The following ATP10B variants were observed in gnomAD, a reference collection of about 807,000 sequenced individuals.
The protein encoded by ATP10B is ATPase phospholipid transporting 10B (putative), also known as phospholipid-transporting ATPase VB.
A neutral mutation model predicts 141.2 loss-of-function variants in ATP10B; 122 were observed. The ratio of observed to expected loss-of-function variants is 0.86; its 90% CI spans 0.75 to 1.00. ATP10B has a LOEUF of 1.00. ATP10B is among the 50% of genes least tolerant of loss of function. ATP10B has a pLI of 0.00. For missense variants in ATP10B, 1,876 were observed against 1,825.3 expected (o/e 1.03, Z -0.51); for synonymous variants, 685 against 692.0 (o/e 0.99, Z 0.16).
chr5:160,756,102 C>A (rs972654904), intron 2 of ATP10B, among the ~76,000 whole-genome samples: 3 of 151,528 alleles, frequency 2.0e-5, no homozygotes, highest in South Asian at 2.1e-4. Flanking sequence ...GTTATCCAGG[C>A]AATCACTGGT....
intron 2 of ATP10B, among the ~76,000 whole-genome samples, chr5:160,737,702 C>A (rs992649177): frequency 6.6e-6 from 1 of 151,366 alleles, no homozygotes. Context: ...GTTGGCTATA[C>A]GAGAAATATG....
chr5:160,577,303 C>T (rs1480607044), intron 24 of ATP10B, among the ~76,000 whole-genome samples: 1 of 152,108 alleles, frequency 6.6e-6, no homozygotes, highest in Non-Finnish European at 1.5e-5. Context: ...AAAACAGTGG[C>T]TGCAGTGCCA....
chr5:160,624,472 C>T (rs6859511), intron 13 of ATP10B, among the ~76,000 whole-genome samples: 120,884 of 151,690 alleles, frequency 0.8, 48,351 homozygotes, highest in East Asian at 0.84. Context: ...AGTCTACTTA[C>T]CAGAAGCAAG....
Position 160,688,808 on chromosome 5 carries a change from G to A in ATP10B, c.-69C>T. ...AGTGATAAGTAGAATAGATGGGAGAGGTTCTTTCCTAGGAAATTTGTCCAT... is the reference window on the plus strand; with the variant it reads ...AGTGATAAGTAGAATAGATGGGAGAAGTTCTTTCCTAGGAAATTTGTCCAT... On this transcript the variant is annotated 5_prime_UTR_variant, in exon 4 of 26. Coordinates refer to ENST00000327245, the MANE Select transcript of ATP10B (RefSeq NM_025153.3). 1 of 985,434 alleles carries A rather than the reference G, an allele frequency of 1.0e-6. No homozygotes were observed. The highest frequency in any genetic ancestry group is 1.2e-6 in the Non-Finnish European group (1 of 829,926). 61.0% of individuals were successfully genotyped at this position (985,434 alleles called of 1,614,324 possible).
Position 160,785,323 on chromosome 5 carries a change from T to C in ATP10B, c.-331+236A>G, listed in dbSNP as rs538942860. Reference sequence around the variant, plus strand: ...CAGGTCCTATGTTGTCTGGGGAATATATACAATGGAGAAAGTTTAAACCAT... The same window carrying C: ...CAGGTCCTATGTTGTCTGGGGAATACATACAATGGAGAAAGTTTAAACCAT... On this transcript the variant is annotated intron_variant, in intron 2 of 25. Coordinates refer to ENST00000327245, the MANE Select transcript of ATP10B (RefSeq NM_025153.3). Among the ~76,000 whole-genome samples, 8 of 152,254 alleles carry C rather than the reference T, an allele frequency of 5.3e-5. No individual in the cohort carries two copies. In the East Asian group the frequency reaches 1.4e-3, roughly 26 times the overall value.
At chr5:160,683,321 C>A in intron 6 of ATP10B, among the ~76,000 whole-genome samples, 1 of 152,150 alleles carries the variant, frequency 6.6e-6, no homozygotes, top group East Asian at 1.9e-4. Flanking sequence ...AGCAAAGAGA[C>A]AAGAAGCTCA....
chr5:160,738,735 A>T (rs926986693), intron 2 of ATP10B, among the ~76,000 whole-genome samples: 1 of 152,182 alleles, frequency 6.6e-6, no homozygotes, highest in Non-Finnish European at 1.5e-5. Flanking sequence ...TAAAAATTTG[A>T]ATTGAAAACA....
intron 1 of ATP10B, among the ~76,000 whole-genome samples, chr5:160,815,556 C>A (rs1264916914): frequency 2.1e-5 from 3 of 140,662 alleles, no homozygotes; most frequent in African/African-American, 7.4e-5. Flanking sequence ...GACTCCCACA[C>A]AATAATAATA....
intron 10 of ATP10B, among the ~76,000 whole-genome samples, chr5:160,638,182 G>A (rs908663681): frequency 1.6e-4 from 24 of 152,150 alleles, no homozygotes; most frequent in Non-Finnish European, 1.2e-4. Context: ...GCTTTAATTA[G>A]GCATCATCAG....
At chr5:160,608,653 T>C (rs1475592617) in intron 18 of ATP10B, among the ~76,000 whole-genome samples, 1 of 152,196 alleles carries the variant, frequency 6.6e-6, no homozygotes, top group Non-Finnish European at 1.5e-5. Flanking sequence ...CTCATTGTGG[T>C]TTTGATTTAT....
At chr5:160,569,212 T>C (rs41358144) in intron 25 of ATP10B, among the ~76,000 whole-genome samples, 3 of 152,290 alleles carry the variant, frequency 2.0e-5, no homozygotes, top group Admixed American at 2.0e-4. Flanking sequence ...ACAAAAAATT[T>C]GTAAGGCAGG....
chr5:160,811,726 C>A (rs979179358), intron 1 of ATP10B, among the ~76,000 whole-genome samples: 5 of 152,190 alleles, frequency 3.3e-5, no homozygotes, highest in African/African-American at 1.2e-4. Context: ...CAGTCCATGG[C>A]TTCCAGACAG....
the ATP10B span, among the ~76,000 whole-genome samples, chr5:160,900,837 A>G: frequency 2.7e-5 from 4 of 150,004 alleles, no homozygotes; most frequent in Non-Finnish European, 4.4e-5. Context: ...ATGAACACAT[A>G]TTACTCATGT....
At chr5:160,906,637 A>G in the ATP10B span, among the ~76,000 whole-genome samples, 35 of 152,228 alleles carry the variant, frequency 2.3e-4, no homozygotes, top group Admixed American at 2.0e-3. Context: ...ATACCAGAGT[A>G]TTTAGAAACC....
chr5:160,607,401 A>T (rs891881934), intron 18 of ATP10B, among the ~76,000 whole-genome samples: 2 of 152,234 alleles, frequency 1.3e-5, no homozygotes, highest in African/African-American at 2.4e-5. Flanking sequence ...GATAATGACA[A>T]TACGTCATGC....
At chr5:160,830,049 C>T (rs1464104839) in intron 1 of ATP10B, among the ~76,000 whole-genome samples, 1 of 151,964 alleles carries the variant, frequency 6.6e-6, no homozygotes, top group African/African-American at 2.4e-5. Flanking sequence ...GGGAATGTTT[C>T]CAGGTTTTGC....
intron 3 of ATP10B, among the ~76,000 whole-genome samples, chr5:160,700,481 G>A (rs1207593908): frequency 1.3e-5 from 2 of 152,198 alleles, no homozygotes; most frequent in Non-Finnish European, 2.9e-5. Flanking sequence ...CCAGAGGGCA[G>A]ACTATTTCTT....
Position 160,620,328 on chromosome 5 carries a change from C to T in ATP10B, c.2416+19G>A, listed in dbSNP as rs868644432. On this transcript the variant is annotated intron_variant, in intron 15 of 25. Transcript: ENST00000327245. ...TATAGAACTCTCTGTGCCTGGAACC[C>T]TGGTAAGGCAGGACTCACCGCAGGC... is the stretch of plus-strand genomic sequence containing the variant. 1 of 1,587,040 alleles carries T rather than the reference C, an allele frequency of 6.3e-7. No homozygotes were observed. The highest frequency in any genetic ancestry group is 1.7e-4 in the Middle Eastern group (1 of 5,912).
At chr5:160,755,766 C>G (rs1489215397) in intron 2 of ATP10B, among the ~76,000 whole-genome samples, 2 of 135,584 alleles carry the variant, frequency 1.5e-5, no homozygotes, top group East Asian at 4.4e-4. Flanking sequence ...AGTGAGCCGA[C>G]ATCCCGCCAC....
Sources: gnomAD v4.1 joint callset for allele counts (sites outside exome capture counted in the v4.1 genomes callset) on GRCh38, gnomAD v4.1.1 for gene constraint, MANE v1.5 for transcripts, NCBI Gene and HGNC (gene_info 2026-07-23, HGNC 2026-07-21) for gene names.